The following ACYP2 variants were observed in gnomAD, a reference collection of about 807,000 sequenced individuals.
ACYP2 encodes the protein acylphosphatase-2.
A neutral mutation model predicts 11.2 loss-of-function variants in ACYP2; 12 were observed. That is an observed-to-expected ratio of 1.08 (90% CI 0.69 to 1.74). ACYP2 has a LOEUF of 1.74. Ranked by LOEUF, ACYP2 falls within the 40% of genes most tolerant of loss-of-function variation. The pLI, the probability that ACYP2 is intolerant of heterozygous loss-of-function variation, is 0.00. For missense variants in ACYP2, 134 were observed against 101.9 expected, an observed-to-expected ratio of 1.31 and a Z score of -1.35; for synonymous variants, 43 against 32.2, an observed-to-expected ratio of 1.33 and a Z score of -1.13.
intron 4 of ACYP2, among the ~76,000 whole-genome samples, chr2:54,068,988 G>A (rs182950124): frequency 9.2e-5 from 14 of 152,158 alleles, no homozygotes; most frequent in Admixed American, 9.2e-4. Context: ...GTGCAGTGGT[G>A]CAATCACAGC....
At chr2:54,162,278 T>C (rs1033066782) in intron 6 of ACYP2, among the ~76,000 whole-genome samples, 1 of 152,256 alleles carries the variant, frequency 6.6e-6, no homozygotes, top group African/African-American at 2.4e-5. Context: ...TAGCTGTTGC[T>C]ATAGTAATTC....
chr2:54,283,464 T>C (rs1399152732), intron 6 of ACYP2, among the ~76,000 whole-genome samples: 2 of 152,194 alleles, frequency 1.3e-5, no homozygotes, highest in African/African-American at 4.8e-5. Flanking sequence ...TATTAACTCC[T>C]TTCATCTTCA....
intron 6 of ACYP2, among the ~76,000 whole-genome samples, chr2:54,215,300 G>A (rs1186447698): frequency 6.6e-6 from 1 of 152,134 alleles, no homozygotes; most frequent in Non-Finnish European, 1.5e-5. Context: ...TAGGAATGGT[G>A]AGAGAGGGCA....
chr2:54,240,010 A>G (rs1254384256), intron 6 of ACYP2, among the ~76,000 whole-genome samples: 7 of 152,214 alleles, frequency 4.6e-5, no homozygotes, highest in African/African-American at 1.7e-4. Flanking sequence ...ATTACCCAGA[A>G]GGAATTGTGA....
intron 6 of ACYP2, chr2:54,255,925 T>TCGA: frequency 6.2e-7 from 1 of 1,614,068 alleles, no homozygotes; most frequent in Non-Finnish European, 8.5e-7. Flanking sequence ...GCGACCCGCA[T>TCGA]CGACCAAGAT....
intron 4 of ACYP2, among the ~76,000 whole-genome samples, chr2:54,116,824 G>A (rs1363316935): frequency 6.6e-6 from 1 of 152,122 alleles, no homozygotes; most frequent in African/African-American, 2.4e-5. Context: ...CTACTGGCTA[G>A]GGTTGGACCG....
intron 6 of ACYP2, among the ~76,000 whole-genome samples, chr2:54,269,562 C>T (rs1367805386): frequency 6.6e-6 from 1 of 152,184 alleles, no homozygotes; most frequent in Non-Finnish European, 1.5e-5. Flanking sequence ...CTCACCTTCC[C>T]CAGTGCCTTT....
chr2:54,201,317 G>C (rs1684747769), intron 6 of ACYP2, among the ~76,000 whole-genome samples: 1 of 152,064 alleles, frequency 6.6e-6, no homozygotes, highest in Admixed American at 6.6e-5. Context: ...ATGTTAGCCA[G>C]GATGGTCTCA....
At chr2:54,201,606 TTC>T (rs1272362130) in intron 6 of ACYP2, among the ~76,000 whole-genome samples, 1 of 86,076 alleles carries the variant, frequency 1.2e-5, no homozygotes, top group African/African-American at 4.5e-5. Flanking sequence ...CTTTCTTTCT[TTC>T]TTTCTTTCTT....
At chr2:54,091,120 G>A (rs1678200517) in intron 4 of ACYP2, among the ~76,000 whole-genome samples, 1 of 152,118 alleles carries the variant, frequency 6.6e-6, no homozygotes, top group Admixed American at 6.5e-5. Context: ...AGGACAAAAG[G>A]GGTTATTTTA....
At chr2:54,198,179 A>C (rs1682107) in intron 6 of ACYP2, among the ~76,000 whole-genome samples, 52,916 of 151,764 alleles carry the variant, frequency 0.35, 10,116 homozygotes, top group African/African-American at 0.51. Context: ...GCCACTGCAC[A>C]TGGCTAATTT....
intron 2 of ACYP2, among the ~76,000 whole-genome samples, chr2:54,041,962 T>C (rs1675254270): frequency 6.6e-6 from 1 of 151,554 alleles, no homozygotes; most frequent in African/African-American, 2.4e-5. Context: ...AGTTCTGGAA[T>C]TCATTTTCTG....
chr2:54,219,901 A>ATTTTT (rs1359232223), intron 6 of ACYP2, among the ~76,000 whole-genome samples: 53 of 107,930 alleles, frequency 4.9e-4, no homozygotes, highest in Non-Finnish European at 8.3e-4. Context: ...ATATATATAT[A>ATTTTT]TATATTTTTT....
intron 4 of ACYP2, among the ~76,000 whole-genome samples, chr2:54,065,063 G>A (rs1676670297): frequency 6.6e-6 from 1 of 151,574 alleles, no homozygotes; most frequent in African/African-American, 2.4e-5. Flanking sequence ...CAGCCTGGGT[G>A]ACAGAGTGAG....
In ACYP2 at chr2:54,121,187, A is replaced by G. The variant is rs537094166; in HGVS notation, c.278-14266A>G. Among the ~76,000 whole-genome samples, 123 of 152,300 alleles carry G rather than the reference A, an allele frequency of 8.1e-4. 2 individuals are homozygous for G. The highest frequency in any genetic ancestry group is 6.8e-3 in the Middle Eastern group (2 of 294). ...ATTGACTGACAGAAAAGCTCTCGAT[A>G]AAGAGAGGGGACCCGAAGTGGGTAG... On this transcript the variant is annotated intron_variant, in intron 4 of 6. Coordinates refer to ENST00000607452, the MANE Select transcript of ACYP2 (RefSeq NM_001320586.2).
chr2:54,216,821 G>A (rs532444608), intron 6 of ACYP2, among the ~76,000 whole-genome samples: 1 of 152,342 alleles, frequency 6.6e-6, no homozygotes, highest in African/African-American at 2.4e-5. Context: ...ACAAGCGTGA[G>A]CTACTGCACT....
chr2:54,050,694 T>C (rs901058037), intron 2 of ACYP2, among the ~76,000 whole-genome samples: 1 of 152,168 alleles, frequency 6.6e-6, no homozygotes, highest in Non-Finnish European at 1.5e-5. Flanking sequence ...GGTAAAACAA[T>C]TGCATCCCCC....
chr2:54,037,997 T>A (rs1675003529), intron 2 of ACYP2, among the ~76,000 whole-genome samples: 1 of 152,184 alleles, frequency 6.6e-6, no homozygotes, highest in East Asian at 1.9e-4. Flanking sequence ...TCTCCGAAGC[T>A]TTCTCTCCTA....
chr2:54,056,699 T>C (rs1405203134), intron 3 of ACYP2, among the ~76,000 whole-genome samples: 2 of 152,218 alleles, frequency 1.3e-5, no homozygotes, highest in Non-Finnish European at 2.9e-5. Flanking sequence ...GTCCAGATTT[T>C]TTATTCAGAA....
Sources: allele counts gnomAD v4.1 joint callset (sites outside exome capture counted in the v4.1 genomes callset), GRCh38; gene constraint gnomAD v4.1.1; transcripts MANE v1.5; gene names NCBI Gene and HGNC (gene_info 2026-07-23, HGNC 2026-07-21).